The following MCOLN3 variants were observed in gnomAD, a reference collection of about 807,000 sequenced individuals.
The protein encoded by MCOLN3 is mucolipin TRP cation channel 3.
In MCOLN3, 62 loss-of-function variants were observed where a neutral mutation model predicts 69.4. That is an observed-to-expected ratio of 0.89 (90% confidence interval 0.73 to 1.10). MCOLN3 has a LOEUF of 1.10. Ranked by LOEUF, MCOLN3 falls within the 50% of genes least tolerant of loss-of-function variation. The pLI, the probability that MCOLN3 is intolerant of heterozygous loss-of-function variation, is 0.00. For synonymous variants in MCOLN3, 183 were observed against 217.0 expected, an observed-to-expected ratio of 0.84 and a Z score of 1.38; for missense variants, 564 against 656.4, an observed-to-expected ratio of 0.86 and a Z score of 1.54.
chr1:85,046,084 G>C (rs1653333464), intron 1 of MCOLN3, among the ~76,000 whole-genome samples: 1 of 152,184 alleles, frequency 6.6e-6, no homozygotes, highest in Non-Finnish European at 1.5e-5. Context: ...CTAGCGCTAA[G>C]CAGACTCACC....
Position 85,029,096 on chromosome 1 carries a change from C to A in MCOLN3, c.832+10G>T, listed in dbSNP as rs758047932. 6.7e-6 allele frequency: 10 copies of A among 1,492,146 alleles called. No homozygotes were observed. The South Asian group carries it at 1.0e-4, about 15-fold the overall frequency. The allele number at this position is 1,492,146 out of a possible 1,614,324, so 92.4% of individuals were successfully genotyped here. On this transcript the variant is annotated intron_variant, in intron 7 of 12. Transcript: ENST00000370589. ...AACCATTCTGAAAACTAGTAATGCG[C>A]ATCACTTACTTGATCCAGATACATG...
chr1:85,041,823 T>C (rs1041739702), intron 2 of MCOLN3, among the ~76,000 whole-genome samples: 3 of 148,996 alleles, frequency 2.0e-5, no homozygotes, highest in African/African-American at 7.5e-5. Context: ...TGAGCTGAGA[T>C]TGTGCCATTG....
At position 85,025,975 on chromosome 1, in the gene MCOLN3, G is replaced by T; in HGVS notation, c.1059C>A (p.Ile353=). 6.3e-7 allele frequency: 1 copy of T among 1,599,206 alleles called. No individual in the cohort carries two copies. The highest frequency in any genetic ancestry group is 1.1e-5 in the South Asian group (1 of 88,386). ...TTTCCATTTTTAGAATTGATCCAAT[G>T]ATTGTCAATATGTCACTAATAATAA... ...IMIIISDILT[I]IGSILKMEIQ... is the part of the protein sequence containing the mutation. Residue 353 remains isoleucine (I), a synonymous_variant, in exon 9 of 13, where the codon ATC becomes ATA. Transcript: ENST00000370589.
chr1:85,041,264 T>C, intron 2 of MCOLN3, 87 bp from the exon 3 acceptor site: 2 of 1,051,434 alleles, frequency 1.9e-6, no homozygotes, highest in Non-Finnish European at 2.7e-6. Flanking sequence ...GAACAACAAA[T>C]AGAAGAGTTT....
chr1:85,034,890 G>T lies in MCOLN3; in HGVS notation c.397-639C>A, dbSNP rs138205604. 8.8e-3 allele frequency among the ~76,000 whole-genome samples: 1,339 copies of T among 152,216 alleles called. 24 individuals are homozygous for T. The highest frequency in any genetic ancestry group is 0.031 in the African/African-American group (1,284 of 41,522). ...ATGTTTCCAAAACAAAGTGTTTTTG[G>T]AGCAATATGTCTGGTACAGTTGGTC... On this transcript the variant is annotated intron_variant, in intron 3 of 12. Coordinates refer to ENST00000370589, the MANE Select transcript of MCOLN3 (RefSeq NM_018298.11).
rs150877694 is a variant in MCOLN3, at chr1:85,022,094, G to A, written c.1296C>T (p.Ile432=). 33 of 1,614,074 alleles carry A rather than the reference G, an allele frequency of 2.0e-5. No homozygotes were observed. The Admixed American group carries it at 2.2e-4, about 11-fold the overall frequency. Residue 432 remains isoleucine, a synonymous_variant, in exon 11 of 13, where the codon ATC becomes ATT. Coordinates refer to ENST00000370589, the MANE Select transcript of MCOLN3 (RefSeq NM_018298.11). Reference sequence around the variant, plus strand: ...CCTTGTCATGGTAAGGCCCCAGCACGATCCATCCACAGAAGCAGTAACCTA... The same window carrying A: ...CCTTGTCATGGTAAGGCCCCAGCACAATCCATCCACAGAAGCAGTAACCTA... ...IYLGYCFCGW[I]VLGPYHDKFR...
chr1:85,031,993 G>A (rs902584147), intron 6 of MCOLN3, among the ~76,000 whole-genome samples: 9 of 152,118 alleles, frequency 5.9e-5, no homozygotes, highest in Admixed American at 3.3e-4. Flanking sequence ...GGAGAATGGC[G>A]TGAACCCGGG....
At chr1:85,019,339 G>T (rs1557679548) in intron 12 of MCOLN3, 82 bp from the exon 13 acceptor site, 7 of 1,383,590 alleles carry the variant, frequency 5.1e-6, no homozygotes, top group South Asian at 2.5e-5. Flanking sequence ...GGATCATTTG[G>T]CAAGGGAGGG....
intron 11 of MCOLN3, 46 bp downstream of exon 11, chr1:85,022,024 A>G: frequency 6.3e-7 from 1 of 1,583,616 alleles, no homozygotes; most frequent in Non-Finnish European, 8.6e-7. Flanking sequence ...CACTGGCACT[A>G]TGCTAAAAGC....
Position 85,034,239 on chromosome 1 carries a change from A to G in MCOLN3, c.409T>C (p.Tyr137His), listed in dbSNP as rs748820179. 137 of 1,614,060 alleles carry G rather than the reference A, an allele frequency of 8.5e-5. No individual in the cohort carries two copies. The highest frequency in any genetic ancestry group is 1.1e-4 in the Non-Finnish European group (130 of 1,180,014). Residue 137 changes from tyrosine (Y) to histidine (H), a missense_variant, in exon 4 of 13, where the codon TAC becomes CAC. Tyr to His is a moderately conservative substitution (Grantham distance 83, BLOSUM62 2). Coordinates refer to ENST00000370589, the MANE Select transcript of MCOLN3 (RefSeq NM_018298.11). ...GCATGATTCCCAACGGAGACATTGTATAGCTGCAAGTACTTCAACCAAAAT... is the reference window on the plus strand; with the variant it reads ...GCATGATTCCCAACGGAGACATTGTGTAGCTGCAAGTACTTCAACCAAAAT... Reference protein sequence around the residue: ...IFAVNQYLQLYNVSVGNHAYE... With the variant: ...IFAVNQYLQLHNVSVGNHAYE...
At position 85,025,810 on chromosome 1, in the gene MCOLN3, A is replaced by T. The variant is rs971709640; in HGVS notation, c.1095+129T>A. On this transcript the variant is annotated intron_variant, in intron 9 of 12. Coordinates refer to ENST00000370589, the MANE Select transcript of MCOLN3 (RefSeq NM_018298.11). ...TAGATTTAAGAAAATTACCATTACC[A>T]ATTTCAAGTCTACTTGATATACAGT... The T allele has an allele frequency of 4.3e-5, 41 of 953,988 alleles. No individual in the cohort carries two copies. The East Asian group carries it at 9.1e-4, about 21-fold the overall frequency. The allele number at this position is 953,988 out of a possible 1,614,324, so 59.1% of individuals were successfully genotyped here. A position where few individuals can be genotyped will look rare whatever the true frequency, so the allele number is the denominator to read the frequency against.
intron 3 of MCOLN3, among the ~76,000 whole-genome samples, chr1:85,040,715 T>C (rs1653018502): frequency 6.6e-6 from 1 of 152,142 alleles, no homozygotes; most frequent in Non-Finnish European, 1.5e-5. Flanking sequence ...CCCAGGGTCA[T>C]AGTTAGTAAT....
chr1:85,033,337 G>C (rs975931351), intron 4 of MCOLN3, among the ~76,000 whole-genome samples: 9 of 151,950 alleles, frequency 5.9e-5, no homozygotes, highest in African/African-American at 2.2e-4. Flanking sequence ...GCAGTTTGAG[G>C]GATCTATTTT....
chr1:85,037,578 T>C (rs1324983867), intron 3 of MCOLN3, among the ~76,000 whole-genome samples: 3 of 152,376 alleles, frequency 2.0e-5, no homozygotes, highest in South Asian at 4.1e-4. Context: ...TTACGTTATA[T>C]AATATATACA....
chr1:85,022,580 A>C, intron 9 of MCOLN3, 180 bp from the exon 10 acceptor site: 1 of 499,978 alleles, frequency 2.0e-6, no homozygotes, highest in Non-Finnish European at 3.6e-6. Flanking sequence ...GACAACAGAA[A>C]TAAGTTAATA....
chr1:85,043,026 C>T (rs904537970), intron 2 of MCOLN3, among the ~76,000 whole-genome samples: 2 of 152,134 alleles, frequency 1.3e-5, no homozygotes, highest in Admixed American at 6.6e-5. Flanking sequence ...TTCCCTTGAC[C>T]ACCTTAGTAA....
rs1301937858 is a variant in MCOLN3, at chr1:85,018,750, C to G, written c.*373G>C. The G allele has an allele frequency of 5.7e-6, 1 of 173,992 alleles. No individual in the cohort carries two copies. The highest frequency in any genetic ancestry group is 1.2e-5 in the Non-Finnish European group (1 of 82,714). 10.8% of individuals were successfully genotyped at this position (173,992 alleles called of 1,614,324 possible). ...TCCAAGCCAGGGTTACTGAGTTGTC[C>G]AAAGTCACAGTCAGACCAAGGATTG... On this transcript the variant is annotated 3_prime_UTR_variant, in exon 13 of 13. Transcript: ENST00000370589.
intron 3 of MCOLN3, among the ~76,000 whole-genome samples, chr1:85,039,570 G>A (rs1652959947): frequency 6.6e-6 from 1 of 152,168 alleles, no homozygotes; most frequent in South Asian, 2.1e-4. Context: ...GAATAAAGCA[G>A]GTACCTGCAT....
chr1:85,020,322 G>A (rs1319662313), intron 12 of MCOLN3, among the ~76,000 whole-genome samples: 1 of 152,120 alleles, frequency 6.6e-6, no homozygotes, highest in East Asian at 1.9e-4. Context: ...TTATCCCTAG[G>A]GCCAATCACA....
Sources: gnomAD v4.1 joint callset for allele counts (sites outside exome capture counted in the v4.1 genomes callset) on GRCh38, gnomAD v4.1.1 for gene constraint, MANE v1.5 for transcripts, NCBI Gene and HGNC (gene_info 2026-07-23, HGNC 2026-07-21) for gene names.